The following SPAST variants were observed in gnomAD, a reference collection of about 807,000 sequenced individuals.
SPAST encodes the protein spastic paraplegia 4 (autosomal dominant; spastin).
Under a neutral mutation model 76.6 loss-of-function variants are expected in SPAST, and 30 were observed. The ratio of observed to expected loss-of-function variants is 0.39; its 90% CI spans 0.29 to 0.53. The LOEUF is 0.53. Among genes scored for constraint, SPAST ranks in the 20% least tolerant of loss-of-function variants. The pLI, the probability that SPAST is intolerant of heterozygous loss-of-function variation, is 0.68. For missense variants in SPAST, 717 were observed against 770.5 expected, an observed-to-expected ratio of 0.93 and a Z score of 0.82; for synonymous variants, 305 against 281.0, an observed-to-expected ratio of 1.09 and a Z score of -0.86.
At chr2:32,121,944 C>T (rs1471564665) in intron 7 of SPAST, among the ~76,000 whole-genome samples, 1 of 152,180 alleles carries the variant, frequency 6.6e-6, no homozygotes, top group Non-Finnish European at 1.5e-5. Flanking sequence ...GATTCCTCCT[C>T]TTTTCTTTTT....
intron 7 of SPAST, among the ~76,000 whole-genome samples, chr2:32,126,316 C>T (rs1363693152): frequency 1.3e-5 from 2 of 152,142 alleles, no homozygotes; most frequent in East Asian, 1.9e-4. Flanking sequence ...TTGTGTTAAT[C>T]TCCTTTTCTA....
chr2:32,107,788 T>C (rs1351646865), intron 4 of SPAST, among the ~76,000 whole-genome samples: 1 of 152,184 alleles, frequency 6.6e-6, no homozygotes, highest in African/African-American at 2.4e-5. Context: ...ATTGGCTTTA[T>C]AGCTAATTTA....
rs1680268105 is a variant in SPAST at position 32,156,780 on chromosome 2, G to C, written c.*2284G>C. ...TCATGGTTATAATTCTATTGGGAAA[G>C]ACTTTTAGATAACAAAGATTTCAAA... On this transcript the variant is annotated 3_prime_UTR_variant, in exon 17 of 17. Transcript: ENST00000315285. 1 of 152,148 alleles carries C rather than the reference G, an allele frequency of 6.6e-6. No homozygotes were observed. The highest frequency in any genetic ancestry group is 6.6e-5 in the Admixed American group (1 of 15,258). 9.4% of individuals were successfully genotyped at this position (152,148 alleles called of 1,614,324 possible). A position where few individuals can be genotyped will look rare whatever the true frequency, so the allele number is the denominator to read the frequency against.
At chr2:32,131,671 CTT>C (rs541036416) in intron 9 of SPAST, among the ~76,000 whole-genome samples, 7 of 108,014 alleles carry the variant, frequency 6.5e-5, no homozygotes, top group African/African-American at 1.4e-4. Flanking sequence ...CAACCATTCT[CTT>C]TTTTTTTTTT....
chr2:32,153,504 C>G (rs971109907), intron 16 of SPAST, among the ~76,000 whole-genome samples: 2 of 151,308 alleles, frequency 1.3e-5, no homozygotes, highest in South Asian at 4.2e-4. Context: ...TTAGTGGAGA[C>G]GGGGTTTCAC....
intron 4 of SPAST, among the ~76,000 whole-genome samples, chr2:32,100,176 C>CT (rs1335406646): frequency 1.3e-5 from 2 of 151,936 alleles, no homozygotes; most frequent in Non-Finnish European, 2.9e-5. Context: ...GCATTTGGTA[C>CT]TTTTTTTGTC....
chr2:32,112,153 A>T (rs1418979832), intron 4 of SPAST, among the ~76,000 whole-genome samples: 1 of 151,058 alleles, frequency 6.6e-6, no homozygotes, highest in Non-Finnish European at 1.5e-5. Flanking sequence ...GGGTTTCACC[A>T]TGTTGGCCAG....
chr2:32,147,318 A>T, intron 16 of SPAST, 60 bp downstream of exon 16: 2 of 1,013,696 alleles, frequency 2.0e-6, no homozygotes, highest in Non-Finnish European at 3.1e-6. Flanking sequence ...TATATAAGAC[A>T]TACATATATG....
chr2:32,088,987 T>C (rs961756840), intron 2 of SPAST, among the ~76,000 whole-genome samples: 3 of 152,134 alleles, frequency 2.0e-5, no homozygotes, highest in African/African-American at 4.8e-5. Context: ...CCCCATGAAA[T>C]AAGACCTGAA....
At chr2:32,074,314 A>G (rs1676865260) in intron 1 of SPAST, among the ~76,000 whole-genome samples, 1 of 152,118 alleles carries the variant, frequency 6.6e-6, no homozygotes, top group African/African-American at 2.4e-5. Context: ...CATGGTTTAG[A>G]CAGTGTTCAG....
In SPAST at chr2:32,083,521, A is replaced by G. The variant is rs193134432; in HGVS notation, c.416-3971A>G. 2.6e-5 allele frequency among the ~76,000 whole-genome samples: 4 copies of G among 151,050 alleles called. No homozygotes were observed. In the East Asian group the frequency reaches 7.8e-4, roughly 29 times the overall value. On this transcript the variant is annotated intron_variant, in intron 1 of 16. Coordinates refer to ENST00000315285, the MANE Select transcript of SPAST (RefSeq NM_014946.4). ...TTCTTTTGTTTTTTTGCCATTCAAA[A>G]TTGGGTGCATTGTTGTATCTTTGGA... is the stretch of plus-strand genomic sequence containing the variant.
intron 4 of SPAST, among the ~76,000 whole-genome samples, chr2:32,099,948 G>A (rs1678057502): frequency 7.9e-6 from 1 of 126,786 alleles, no homozygotes; most frequent in Non-Finnish European, 1.7e-5. Context: ...TATCTTGGCT[G>A]TTGTGAATAG....
At chr2:32,090,994 C>T (rs892651719) in intron 3 of SPAST, among the ~76,000 whole-genome samples, 25 of 151,934 alleles carry the variant, frequency 1.6e-4, no homozygotes, top group Admixed American at 4.6e-4. Flanking sequence ...CAGCATTCAT[C>T]AACTGTAATA....
intron 7 of SPAST, chr2:32,126,645 ATT>A (rs1194975479): frequency 5.3e-4 from 101 of 191,224 alleles, no homozygotes; most frequent in Middle Eastern, 2.1e-3. Context: ...CACCCAGCTA[ATT>A]TTTTTTTTTT....
intron 1 of SPAST, among the ~76,000 whole-genome samples, chr2:32,073,294 A>G (rs1466686642): frequency 2.0e-5 from 3 of 152,102 alleles, no homozygotes; most frequent in Non-Finnish European, 2.9e-5. Context: ...TGGCCCCTCA[A>G]AGTGTTAGGA....
intron 15 of SPAST, 71 bp from the exon 16 acceptor site, chr2:32,147,147 G>A: frequency 1.1e-6 from 1 of 941,908 alleles, no homozygotes; most frequent in Non-Finnish European, 1.8e-6. Flanking sequence ...CATTGTACTT[G>A]GTTTTGCCCT....
intron 16 of SPAST, 32 bp from the exon 17 acceptor site, chr2:32,154,342 T>G (rs1328998936): frequency 4.4e-6 from 7 of 1,595,418 alleles, no homozygotes; most frequent in Non-Finnish European, 8.6e-7. Flanking sequence ...CTGTTGATCA[T>G]TTGTATTGTC....
chr2:32,123,148 G>A (rs1679073376), intron 7 of SPAST, among the ~76,000 whole-genome samples: 1 of 152,016 alleles, frequency 6.6e-6, no homozygotes, highest in Non-Finnish European at 1.5e-5. Context: ...TGTAATCTCA[G>A]CTACTCAGGA....
At chr2:32,108,028 AAAGTAT>A (rs1678391533) in intron 4 of SPAST, among the ~76,000 whole-genome samples, 1 of 152,182 alleles carries the variant, frequency 6.6e-6, no homozygotes, top group African/African-American at 2.4e-5. Flanking sequence ...AAGAAAAAGT[AAAGTAT>A]AACCCTTACT....
Sources: allele counts gnomAD v4.1 joint callset (sites outside exome capture counted in the v4.1 genomes callset), GRCh38; gene constraint gnomAD v4.1.1; transcripts MANE v1.5; gene names NCBI Gene and HGNC (gene_info 2026-07-23, HGNC 2026-07-21).